The following TNN variants were observed in gnomAD, a reference collection of about 807,000 sequenced individuals.
TNN encodes tenascin-N.
A neutral mutation model predicts 134.4 loss-of-function variants in TNN; 122 were observed. The observed-to-expected ratio is 0.91, with a 90% CI of 0.78 to 1.06. The LOEUF (loss-of-function observed/expected upper bound fraction) is 1.06. Among genes scored for constraint, TNN ranks in the 50% least tolerant of loss-of-function variants. The probability of loss-of-function intolerance (pLI) is 0.00; values close to 1 mark genes in which losing one functional copy is unlikely to be tolerated. For missense variants in TNN, 1,739 were observed against 1,699.4 expected (o/e 1.02, Z -0.41); for synonymous variants, 710 against 670.3 (o/e 1.06, Z -0.91).
At chr1:175,090,386 G>T (rs1000881438) in intron 6 of TNN, among the ~76,000 whole-genome samples, 3 of 152,118 alleles carry the variant, frequency 2.0e-5, no homozygotes, top group South Asian at 4.1e-4. Context: ...GAACGTGTAG[G>T]TATTGTGGTC....
At chr1:175,118,054 C>A (rs1675231007) in intron 10 of TNN, among the ~76,000 whole-genome samples, 1 of 152,148 alleles carries the variant, frequency 6.6e-6, no homozygotes, top group Non-Finnish European at 1.5e-5. Context: ...CGTGCCCTGC[C>A]CACTACTAGG....
At chr1:175,103,436 G>T (rs1674779370) in intron 9 of TNN, among the ~76,000 whole-genome samples, 1 of 146,050 alleles carries the variant, frequency 6.8e-6, no homozygotes, top group Admixed American at 6.9e-5. Flanking sequence ...GGATTGTAAA[G>T]TAAGGATAGA....
chr1:175,123,539 G>A lies in TNN; in HGVS notation c.2790G>A (p.Pro930=), dbSNP rs78387535. ...CTGACGGAGAGACCAGGGAGGTTCC[G>A]GTGGGGAAGGAGCACAGCAGCACTG... ...TSADGETREV[P]VGKEHSSTVL... Residue 930 remains proline (P), a synonymous_variant, in exon 12 of 19, where the codon CCG becomes CCA. Transcript: ENST00000239462. 3.7e-6 allele frequency: 6 copies of A among 1,614,052 alleles called. No homozygotes were observed. Among genetic ancestry groups the A allele is most frequent in the East Asian group, 2.2e-5 (1 of 44,874 alleles).
At chr1:175,132,779 C>G (rs931664272) in intron 15 of TNN, among the ~76,000 whole-genome samples, 1 of 152,212 alleles carries the variant, frequency 6.6e-6, no homozygotes, top group Non-Finnish European at 1.5e-5. Context: ...GAGCCTTCTG[C>G]ATCCATGGTG....
intron 9 of TNN, among the ~76,000 whole-genome samples, chr1:175,103,292 C>T (rs1186471763): frequency 2.1e-5 from 3 of 146,224 alleles, no homozygotes; most frequent in African/African-American, 7.4e-5. Context: ...GGCAGCATCT[C>T]ATACTATCCC....
At chr1:175,089,054 T>C (rs1674383054) in intron 6 of TNN, among the ~76,000 whole-genome samples, 1 of 152,190 alleles carries the variant, frequency 6.6e-6, no homozygotes, top group African/African-American at 2.4e-5. Flanking sequence ...GAATATTTTA[T>C]TGGATTGCAA....
At chr1:175,131,897 T>G (rs1175257356) in intron 15 of TNN, among the ~76,000 whole-genome samples, 2 of 143,678 alleles carry the variant, frequency 1.4e-5, no homozygotes, top group Non-Finnish European at 3.0e-5. Flanking sequence ...GAAGCTTCCC[T>G]GGCCCAGATG....
chr1:175,102,216 CT>C (rs58801796), intron 9 of TNN, among the ~76,000 whole-genome samples: 1,936 of 145,914 alleles, frequency 0.013, 170 homozygotes, highest in African/African-American at 0.045. Context: ...CCCCACCAGA[CT>C]CAGGAGCCCA....
intron 18 of TNN, among the ~76,000 whole-genome samples, chr1:175,146,614 G>A (rs1361157087): frequency 2.0e-5 from 3 of 152,108 alleles, no homozygotes; most frequent in Admixed American, 1.3e-4. Context: ...GTTGACCCCT[G>A]TGTTGTCTCT....
At chr1:175,089,326 A>C (rs17302688) in intron 6 of TNN, among the ~76,000 whole-genome samples, 21,921 of 152,186 alleles carry the variant, frequency 0.14, 1,793 homozygotes, top group Non-Finnish European at 0.19. Flanking sequence ...AGTGTAACTA[A>C]CACCATGACA....
rs1418891416 is a variant in TNN, at chr1:175,116,990, C to T, written c.2171C>T (p.Ala724Val). The change falls in exon 10 of 19, where the codon GCC (alanine) becomes GTC (valine). Residue 724 changes from alanine (A) to valine (V), a missense_variant. Coordinates refer to ENST00000239462, the MANE Select transcript of TNN (RefSeq NM_022093.2). The stretch of plus-strand genomic sequence containing the variant: ...ACCGACCGGGTGACAGAGAATATGG[C>T]CACTGTCTCCTGGGACCCGGTGCGG... ...LVTDRVTENMATVSWDPVRAT... is the reference protein window; with the variant it reads ...LVTDRVTENMVTVSWDPVRAT... 8.1e-6 allele frequency: 13 copies of T among 1,614,208 alleles called. No individual in the cohort carries two copies. Among genetic ancestry groups the T allele is most frequent in the Non-Finnish European group, 1.1e-5 (13 of 1,180,050 alleles).
At chr1:175,090,944 G>T (rs944023151) in intron 6 of TNN, among the ~76,000 whole-genome samples, 1 of 152,218 alleles carries the variant, frequency 6.6e-6, no homozygotes, top group Non-Finnish European at 1.5e-5. Flanking sequence ...TGGGGCCAGG[G>T]TGGGGAGAGC....
intron 7 of TNN, among the ~76,000 whole-genome samples, chr1:175,096,573 G>T (rs1674577083): frequency 6.6e-6 from 1 of 152,188 alleles, no homozygotes; most frequent in Admixed American, 6.5e-5. Context: ...TCTAAAAGAG[G>T]ATAATAAAGT....
At chr1:175,128,190 C>T (rs375521665) in intron 14 of TNN, 26 bp downstream of exon 14, 74 of 1,560,366 alleles carry the variant, frequency 4.7e-5, no homozygotes, top group Non-Finnish European at 5.5e-5. Context: ...GTACTCTGAA[C>T]GACCGTGCAA....
Position 175,117,026 on chromosome 1 carries a change from A to G in TNN, c.2207A>G (p.Asp736Gly). The G allele has an allele frequency of 6.2e-7, 1 of 1,614,164 alleles. No individual in the cohort carries two copies. The highest frequency in any genetic ancestry group is 8.5e-7 in the Non-Finnish European group (1 of 1,180,030). The change falls in exon 10 of 19, where the codon GAC becomes GGC. Residue 736 changes from aspartate (D) to glycine (G), a missense_variant. Asp to Gly is a moderately conservative substitution (Grantham distance 94). Coordinates refer to ENST00000239462, the MANE Select transcript of TNN (RefSeq NM_022093.2). ...VSWDPVRATI[D>G]RYVVRYTSAK... ...TGGGACCCGGTGCGGGCCACCATTG[A>G]CAGGTATGTGGTGCGCTACACCTCT...
chr1:175,117,111 G>T lies in TNN; in HGVS notation c.2292G>T (p.Leu764=). 6.2e-7 allele frequency: 1 copy of T among 1,614,264 alleles called. No individual in the cohort carries two copies. The highest frequency in any genetic ancestry group is 8.5e-7 in the Non-Finnish European group (1 of 1,180,040). ...GGAAGGAGCAGAGTAGCACTGTCCT[G>T]ACGGGCCTGAGGCCGGGTGTGGAGT... ...PVGKEQSSTV[L]TGLRPGVEYT... Residue 764 remains leucine, a synonymous_variant, in exon 10 of 19, where the codon CTG becomes CTT. Transcript: ENST00000239462.
At chr1:175,077,250 A>G (rs1674061673) in intron 1 of TNN, 134 bp from the exon 2 acceptor site, 1 of 727,252 alleles carries the variant, frequency 1.4e-6, no homozygotes, top group Non-Finnish European at 2.3e-6. Flanking sequence ...TTTGGTTCGG[A>G]TCCTTGGGAG....
chr1:175,093,929 C>A, intron 6 of TNN, 61 bp from the exon 7 acceptor site: 1 of 1,535,746 alleles, frequency 6.5e-7, no homozygotes, highest in Non-Finnish European at 8.9e-7. Context: ...CTTTAACAAT[C>A]TATGATCTTG....
intron 9 of TNN, among the ~76,000 whole-genome samples, chr1:175,110,028 T>C (rs984635736): frequency 4.6e-5 from 7 of 152,188 alleles, no homozygotes; most frequent in Non-Finnish European, 7.4e-5. Flanking sequence ...TTATTGTTTG[T>C]CTTTTTGATA....
Sources: gnomAD v4.1 joint callset for allele counts (sites outside exome capture counted in the v4.1 genomes callset) on GRCh38, gnomAD v4.1.1 for gene constraint, MANE v1.5 for transcripts, NCBI Gene and HGNC (gene_info 2026-07-23, HGNC 2026-07-21) for gene names.